The following AGBL4 variants were observed in gnomAD, a reference collection of about 807,000 sequenced individuals.
AGBL4 encodes cytosolic carboxypeptidase 6.
A neutral mutation model predicts 66.4 loss-of-function variants in AGBL4; 58 were observed. The observed-to-expected ratio is 0.87, with a 90% confidence interval of 0.71 to 1.09. The LOEUF (loss-of-function observed/expected upper bound fraction) is 1.09. Ranked by LOEUF, AGBL4 falls within the 50% of genes least tolerant of loss-of-function variation. AGBL4 has a pLI of 0.00. For synonymous variants in AGBL4, 234 were observed against 222.9 expected, an observed-to-expected ratio of 1.05 and a Z score of -0.44; for missense variants, 579 against 631.0, an observed-to-expected ratio of 0.92 and a Z score of 0.88.
intron 3 of AGBL4, among the ~76,000 whole-genome samples, chr1:49,477,983 T>C (rs1480443003): frequency 1.3e-5 from 2 of 151,536 alleles, no homozygotes; most frequent in African/African-American, 2.4e-5. Context: ...GCATAAGTGA[T>C]CTTGAATACA....
At chr1:49,922,649 A>G (rs1375533391) in intron 1 of AGBL4, among the ~76,000 whole-genome samples, 2 of 152,180 alleles carry the variant, frequency 1.3e-5, no homozygotes, top group Non-Finnish European at 2.9e-5. Flanking sequence ...AGAAATTGCT[A>G]GCATTCCTAC....
chr1:48,978,034 C>G (rs1158373216), intron 5 of AGBL4, among the ~76,000 whole-genome samples: 2 of 152,074 alleles, frequency 1.3e-5, no homozygotes, highest in African/African-American at 4.8e-5. Context: ...TATCTAGAAA[C>G]AGATACAGTG....
intron 5 of AGBL4, among the ~76,000 whole-genome samples, chr1:48,924,476 T>C (rs1311088613): frequency 1.3e-5 from 2 of 152,196 alleles, no homozygotes; most frequent in Non-Finnish European, 2.9e-5. Flanking sequence ...TCTGTATTTC[T>C]GGTGAATATC....
intron 6 of AGBL4, among the ~76,000 whole-genome samples, chr1:48,758,414 T>C (rs1644061668): frequency 6.6e-6 from 1 of 152,260 alleles, no homozygotes. Context: ...AGTTTCTTAC[T>C]GAAGTCTCTC....
chr1:49,328,932 T>C (rs1645276447), intron 3 of AGBL4, among the ~76,000 whole-genome samples: 1 of 152,222 alleles, frequency 6.6e-6, no homozygotes, highest in African/African-American at 2.4e-5. Context: ...AATTATGATA[T>C]ATGTGCATTT....
intron 5 of AGBL4, among the ~76,000 whole-genome samples, chr1:48,995,091 G>C (rs1660900909): frequency 6.6e-6 from 1 of 152,126 alleles, no homozygotes; most frequent in African/African-American, 2.4e-5. Flanking sequence ...ACATAAACTG[G>C]TGGCTGTGTA....
chr1:48,659,820 CCCCTA>C (rs1646078624), intron 7 of AGBL4, among the ~76,000 whole-genome samples: 1 of 152,270 alleles, frequency 6.6e-6, no homozygotes, highest in Admixed American at 6.5e-5. Flanking sequence ...GCTAGCTCCT[CCCCTA>C]CTGCTGGCAC....
intron 8 of AGBL4, among the ~76,000 whole-genome samples, chr1:48,652,117 G>T (rs1028138438): frequency 6.6e-6 from 1 of 152,122 alleles, no homozygotes. Flanking sequence ...TGGGAGGATC[G>T]CTTGAATCCA....
intron 3 of AGBL4, among the ~76,000 whole-genome samples, chr1:49,653,544 A>C (rs1164615258): frequency 6.6e-6 from 1 of 152,020 alleles, no homozygotes; most frequent in Non-Finnish European, 1.5e-5. Flanking sequence ...TTATGTTCTA[A>C]CTCATTGCAA....
In AGBL4 at chr1:49,037,627, A is replaced by T. The variant is rs1664768339; in HGVS notation, c.594+7957T>A. Reference sequence around the variant, plus strand: ...CCATAGCATCTCAGCCTCTTTACACATGTTTGATACTCAAGTAAAGATGCC... The same window carrying T: ...CCATAGCATCTCAGCCTCTTTACACTTGTTTGATACTCAAGTAAAGATGCC... On this transcript the variant is annotated intron_variant, in intron 5 of 13. Transcript: ENST00000371839. 2.0e-5 allele frequency among the ~76,000 whole-genome samples: 3 copies of T among 152,004 alleles called. No homozygotes were observed. In the South Asian group the frequency reaches 6.2e-4, roughly 32 times the overall value.
intron 11 of AGBL4, among the ~76,000 whole-genome samples, chr1:48,581,645 C>T (rs137982605): frequency 2.0e-5 from 3 of 152,254 alleles, no homozygotes; most frequent in East Asian, 1.9e-4. Context: ...GTTCAAAATT[C>T]GTAGGAATTT....
At chr1:48,814,964 G>C (rs1447069751) in intron 6 of AGBL4, among the ~76,000 whole-genome samples, 1 of 152,030 alleles carries the variant, frequency 6.6e-6, no homozygotes, top group Admixed American at 6.6e-5. Flanking sequence ...GTACTTTTTT[G>C]AGGAAACTCC....
chr1:48,809,078 G>A (rs543276728), intron 6 of AGBL4, among the ~76,000 whole-genome samples: 3 of 152,262 alleles, frequency 2.0e-5, no homozygotes, highest in South Asian at 2.1e-4. Context: ...ATGAAGATCC[G>A]TGGGGCCTGA....
intron 6 of AGBL4, among the ~76,000 whole-genome samples, chr1:48,854,373 T>C (rs1354844930): frequency 6.6e-6 from 1 of 152,202 alleles, no homozygotes; most frequent in Admixed American, 6.5e-5. Flanking sequence ...GGTCTGGCTT[T>C]AATCAGAAAA....
intron 2 of AGBL4, among the ~76,000 whole-genome samples, chr1:49,744,511 C>T (rs983801086): frequency 2.0e-5 from 3 of 151,844 alleles, no homozygotes; most frequent in African/African-American, 7.3e-5. Flanking sequence ...TAGACCAATA[C>T]ACTAGCAAAT....
At chr1:49,500,186 G>C (rs1648009409) in intron 3 of AGBL4, among the ~76,000 whole-genome samples, 1 of 151,878 alleles carries the variant, frequency 6.6e-6, no homozygotes, top group South Asian at 2.1e-4. Context: ...TTTGAGAATT[G>C]TCTATTCATG....
At chr1:49,754,172 G>T (rs1229636894) in intron 2 of AGBL4, among the ~76,000 whole-genome samples, 1 of 152,004 alleles carries the variant, frequency 6.6e-6, no homozygotes, top group Admixed American at 6.6e-5. Context: ...GGAATTTTCA[G>T]CCTTTTTACA....
At chr1:48,781,101 G>A (rs1645280366) in intron 6 of AGBL4, among the ~76,000 whole-genome samples, 2 of 152,030 alleles carry the variant, frequency 1.3e-5, no homozygotes. Context: ...CTGCACCCTG[G>A]GGTTCAAATT....
chr1:49,959,436 G>GAA (rs1352231839), intron 1 of AGBL4, among the ~76,000 whole-genome samples: 1 of 152,070 alleles, frequency 6.6e-6, no homozygotes, highest in Non-Finnish European at 1.5e-5. Context: ...GCTGAGTTGA[G>GAA]GGACAGTTCA....
Sources: allele counts gnomAD v4.1 joint callset (sites outside exome capture counted in the v4.1 genomes callset), GRCh38; gene constraint gnomAD v4.1.1; transcripts MANE v1.5; gene names NCBI Gene and HGNC (gene_info 2026-07-23, HGNC 2026-07-21).